The following CPQ variants were observed in gnomAD, a reference collection of about 807,000 sequenced individuals.
The protein encoded by CPQ is carboxypeptidase Q, also known as Ser-Met dipeptidase.
A neutral mutation model predicts 45.7 loss-of-function variants in CPQ; 37 were observed. That is an observed-to-expected ratio of 0.81 (90% CI 0.62 to 1.07). CPQ has a LOEUF of 1.07. CPQ is among the 50% of genes least tolerant of loss of function. The pLI, the probability that CPQ is intolerant of heterozygous loss-of-function variation, is 0.00. For missense variants in CPQ, 537 were observed against 572.9 expected (o/e 0.94, Z 0.64); for synonymous variants, 186 against 205.8 (o/e 0.90, Z 0.82).
chr8:96,914,623 T>C (rs1309750374), intron 4 of CPQ, among the ~76,000 whole-genome samples: 1 of 152,150 alleles, frequency 6.6e-6, no homozygotes, highest in Non-Finnish European at 1.5e-5. Flanking sequence ...GGGGAATACA[T>C]CCTTGGTCCT....
chr8:96,947,728 A>G (rs1370770610), intron 4 of CPQ, among the ~76,000 whole-genome samples: 2 of 152,120 alleles, frequency 1.3e-5, no homozygotes, highest in Non-Finnish European at 2.9e-5. Flanking sequence ...CTTAATCTCA[A>G]GATGTAACCT....
intron 1 of CPQ, among the ~76,000 whole-genome samples, chr8:96,766,735 A>G (rs941071860): frequency 9.2e-5 from 14 of 152,176 alleles, no homozygotes; most frequent in African/African-American, 2.4e-4. Context: ...CAAATAGTAC[A>G]GTATTCCCAC....
chr8:96,899,335 G>T (rs1243160396), intron 4 of CPQ, among the ~76,000 whole-genome samples: 1 of 152,206 alleles, frequency 6.6e-6, no homozygotes, highest in African/African-American at 2.4e-5. Flanking sequence ...CAACTTACTA[G>T]CAGTTGTACA....
At chr8:96,762,767 T>G (rs558421059) in intron 1 of CPQ, among the ~76,000 whole-genome samples, 2 of 152,310 alleles carry the variant, frequency 1.3e-5, no homozygotes, top group East Asian at 3.9e-4. Flanking sequence ...TAGTGTTGTA[T>G]CTAAGAAATC....
intron 2 of CPQ, among the ~76,000 whole-genome samples, chr8:96,818,012 G>T (rs558431237): frequency 2.6e-5 from 4 of 152,120 alleles, no homozygotes; most frequent in Non-Finnish European, 4.4e-5. Flanking sequence ...CTTGGCTATT[G>T]ACATGCCTTC....
At chr8:97,067,769 A>G (rs1219498269) in intron 7 of CPQ, among the ~76,000 whole-genome samples, 1 of 152,228 alleles carries the variant, frequency 6.6e-6, no homozygotes, top group Non-Finnish European at 1.5e-5. Flanking sequence ...TCTTAAAGCA[A>G]CATTTCCATT....
chr8:96,910,698 G>T (rs1271936654), intron 4 of CPQ, among the ~76,000 whole-genome samples: 3 of 152,100 alleles, frequency 2.0e-5, no homozygotes, highest in African/African-American at 4.8e-5. Flanking sequence ...TAGAGACGGG[G>T]TTTCACCGTG....
intron 3 of CPQ, among the ~76,000 whole-genome samples, chr8:96,865,297 G>C (rs1412139402): frequency 1.3e-5 from 2 of 152,032 alleles, no homozygotes; most frequent in African/African-American, 4.8e-5. Flanking sequence ...CTTTTACTCA[G>C]TGAGAACCTG....
chr8:97,074,695 C>T (rs538494093), intron 7 of CPQ, among the ~76,000 whole-genome samples: 13 of 152,126 alleles, frequency 8.5e-5, no homozygotes, highest in Non-Finnish European at 1.3e-4. Flanking sequence ...CGCTTGAATC[C>T]GGGAGGCAGA....
intron 5 of CPQ, among the ~76,000 whole-genome samples, chr8:96,969,710 G>A (rs1467321206): frequency 1.3e-5 from 2 of 152,096 alleles, no homozygotes; most frequent in African/African-American, 4.8e-5. Context: ...AGGAGTTGTG[G>A]AATTACAGGA....
intron 1 of CPQ, among the ~76,000 whole-genome samples, chr8:96,779,152 A>G (rs1586397179): frequency 6.6e-6 from 1 of 151,678 alleles, no homozygotes; most frequent in Admixed American, 6.6e-5. Flanking sequence ...TATTTTCTGG[A>G]CATATTTTTT....
At chr8:96,752,029 G>A (rs192752372) in intron 1 of CPQ, among the ~76,000 whole-genome samples, 21 of 152,154 alleles carry the variant, frequency 1.4e-4, no homozygotes, top group Admixed American at 1.2e-3. Flanking sequence ...TGCTGTTTTG[G>A]TTACTTTAGA....
At chr8:96,662,801 A>C (rs1390885929) in intron 1 of CPQ, among the ~76,000 whole-genome samples, 1 of 152,154 alleles carries the variant, frequency 6.6e-6, no homozygotes, top group Non-Finnish European at 1.5e-5. Context: ...TAACCTGGGC[A>C]ACATGGCAAA....
intron 2 of CPQ, among the ~76,000 whole-genome samples, chr8:96,786,209 A>G (rs1298933531): frequency 6.6e-6 from 1 of 152,098 alleles, no homozygotes; most frequent in African/African-American, 2.4e-5. Flanking sequence ...CTAGGAAACC[A>G]CTAATCTGCT....
intron 7 of CPQ, among the ~76,000 whole-genome samples, chr8:97,122,981 T>TA (rs1224428408): frequency 0.011 from 274 of 23,972 alleles, 17 homozygotes; most frequent in East Asian, 0.025. Context: ...TAAAATAAAA[T>TA]TAAAATAAAA....
intron 1 of CPQ, among the ~76,000 whole-genome samples, chr8:96,731,483 AGGG>A (rs1809912530): frequency 6.6e-6 from 1 of 152,056 alleles, no homozygotes; most frequent in Non-Finnish European, 1.5e-5. Context: ...TTTACTCATG[AGGG>A]GTCTAAAATT....
chr8:96,804,670 G>T (rs1204331441), intron 2 of CPQ, among the ~76,000 whole-genome samples: 1 of 151,892 alleles, frequency 6.6e-6, no homozygotes, highest in Non-Finnish European at 1.5e-5. Flanking sequence ...CTGTCATGGA[G>T]AATCATTAGC....
At chr8:97,031,188 CTTTTTT>C (rs36087951) in intron 6 of CPQ, among the ~76,000 whole-genome samples, 1 of 130,642 alleles carries the variant, frequency 7.7e-6, no homozygotes, top group African/African-American at 2.9e-5. Context: ...AAGAACTATT[CTTTTTT>C]TTTTTTTTTT....
chr8:96,718,959 A>G (rs922544777), intron 1 of CPQ, among the ~76,000 whole-genome samples: 7 of 152,230 alleles, frequency 4.6e-5, no homozygotes, highest in African/African-American at 9.6e-5. Flanking sequence ...TGTATTTACA[A>G]TCCCTGAGCT....
Sources: allele counts gnomAD v4.1 joint callset (sites outside exome capture counted in the v4.1 genomes callset), GRCh38; gene constraint gnomAD v4.1.1; transcripts MANE v1.5; gene names NCBI Gene and HGNC (gene_info 2026-07-23, HGNC 2026-07-21).